TXNDC5: variants seen among roughly 807,000 people sequenced by gnomAD.
TXNDC5 encodes thioredoxin domain containing 5, also known as thioredoxin domain-containing protein 5.
In TXNDC5, 44 loss-of-function variants were observed where a neutral mutation model predicts 52.6. That is an observed-to-expected ratio of 0.84 (90% CI 0.66 to 1.08). The LOEUF is 1.08. Ranked by LOEUF, TXNDC5 falls within the 50% of genes least tolerant of loss-of-function variation. The pLI, the probability that TXNDC5 is intolerant of heterozygous loss-of-function variation, is 0.00. For missense variants in TXNDC5, 600 were observed against 565.5 expected (o/e 1.06, Z -0.62); for synonymous variants, 241 against 234.4 (o/e 1.03, Z -0.26).
At chr6:7,888,932 C>A in intron 6 of TXNDC5, 84 bp from the exon 7 acceptor site, 2 of 1,491,344 alleles carry the variant, frequency 1.3e-6, no homozygotes, top group South Asian at 1.3e-5. Flanking sequence ...CCTGCTTGCC[C>A]GGGTCAGAGC....
rs1760676594 is a variant in TXNDC5 at position 7,904,599 on chromosome 6, C to G, written c.388G>C (p.Ala130Pro). 1.2e-6 allele frequency: 2 copies of G among 1,614,182 alleles called. No homozygotes were observed. Among genetic ancestry groups the G allele is most frequent in the Non-Finnish European group, 1.7e-6 (2 of 1,180,016 alleles). The part of the protein sequence containing the change: ...DCTAHSDVCS[A>P]QGVRGYPTLK... Reference sequence around the variant, plus strand: ...GTGGGGTATCCTCGCACCCCCTGGGCGGAGCACACGTCGGAGTGGGCCGTG... The same window carrying G: ...GTGGGGTATCCTCGCACCCCCTGGGGGGAGCACACGTCGGAGTGGGCCGTG... The change falls in exon 2 of 10, where the codon GCC (alanine) becomes CCC (proline). Residue 130 changes from alanine (A) to proline (P), a missense_variant. Coordinates refer to ENST00000379757, the MANE Select transcript of TXNDC5 (RefSeq NM_030810.5).
In TXNDC5 at chr6:7,891,691, T is replaced by C; in HGVS notation, c.662A>G (p.Lys221Arg). 2 of 1,613,984 alleles carry C rather than the reference T, an allele frequency of 1.2e-6. No individual in the cohort carries two copies. Among genetic ancestry groups the C allele is most frequent in the Non-Finnish European group, 1.7e-6 (2 of 1,179,888 alleles). ...KFFAPWCGHC[K>R]ALAPTWEQLA... Reference sequence around the variant, plus strand: ...CTGCTCCCAGGTTGGAGCCAGGGCTTTGCAGTGACCACACCACGGAGCGAA... The same window carrying C: ...CTGCTCCCAGGTTGGAGCCAGGGCTCTGCAGTGACCACACCACGGAGCGAA... The change falls in exon 5 of 10, where the codon AAA becomes AGA. Residue 221 changes from lysine (K) to arginine (R), a missense_variant. Physicochemically the swap from Lys to Arg is conservative, Grantham distance 26 (BLOSUM62 2). Coordinates refer to ENST00000379757, the MANE Select transcript of TXNDC5 (RefSeq NM_030810.5).
Position 7,884,366 on chromosome 6 carries a change from T to C in TXNDC5, c.1169A>G (p.Lys390Arg), listed in dbSNP as rs1290390901. The C allele has an allele frequency of 3.1e-6, 5 of 1,614,112 alleles. No homozygotes were observed. The Middle Eastern group carries it at 4.9e-4, about 160-fold the overall frequency. Residue 390 changes from lysine (K) to arginine (R), a missense_variant, in exon 9 of 10, where the codon AAG (lysine) becomes AGG (arginine). Transcript: ENST00000379757. ...DCTAERNICS[K>R]YSVRGYPTLL... ...ATCCATCCAAGTACCCACCGAATAC[T>C]TGCTGCAGATATTCCGTTCAGCAGT...
At chr6:7,884,229 A>G in intron 9 of TXNDC5, 130 bp downstream of exon 9, 2 of 1,272,552 alleles carry the variant, frequency 1.6e-6, no homozygotes, top group South Asian at 1.4e-5. Flanking sequence ...CAAACAAACA[A>G]CTCAAAGGGA....
chr6:7,897,898 C>T (rs932457756), intron 3 of TXNDC5, among the ~76,000 whole-genome samples: 7 of 152,160 alleles, frequency 4.6e-5, no homozygotes, highest in Non-Finnish European at 1.5e-5. Flanking sequence ...GAAACAATGT[C>T]CAATTGAAAA....
intron 1 of TXNDC5, chr6:7,910,054 C>T: frequency 2.0e-6 from 2 of 986,204 alleles, no homozygotes; most frequent in Non-Finnish European, 2.4e-6. Context: ...CCCTCGGTGC[C>T]GAGGTGCAAG....
rs1036663870 is a variant in TXNDC5 at position 7,892,778 on chromosome 6, G to A, written c.617-1042C>T. 6.6e-5 allele frequency among the ~76,000 whole-genome samples: 10 copies of A among 152,342 alleles called. No homozygotes were observed. In the East Asian group the frequency reaches 1.4e-3, roughly 21 times the overall value. On this transcript the variant is annotated intron_variant, in intron 4 of 9. Coordinates refer to ENST00000379757, the MANE Select transcript of TXNDC5 (RefSeq NM_030810.5). ...ATGATTGTGAGGCTTCGCCAGCCAC[G>A]TGGAACTGTGAGTTCTCCATTAAAC...
rs753895870 is a variant in TXNDC5, at chr6:7,897,600, G to A, written c.519+1976C>T. On this transcript the variant is annotated intron_variant, in intron 3 of 9. Transcript: ENST00000379757. Reference sequence around the variant, plus strand: ...GGGGTGGCATGGGGGGATTACACGCGGCCATCCTGCTCCCACACTGAGGAG... The same window carrying A: ...GGGGTGGCATGGGGGGATTACACGCAGCCATCCTGCTCCCACACTGAGGAG... 1.4e-4 allele frequency among the ~76,000 whole-genome samples: 21 copies of A among 152,116 alleles called. No homozygotes were observed. The South Asian group carries it at 1.9e-3, about 14-fold the overall frequency.
intron 1 of TXNDC5, among the ~76,000 whole-genome samples, chr6:7,907,957 T>C (rs1177626892): frequency 6.6e-6 from 1 of 152,076 alleles, no homozygotes; most frequent in Non-Finnish European, 1.5e-5. Context: ...AACCCACATA[T>C]CTCTGTTTAA....
At chr6:7,910,475 G>T in intron 1 of TXNDC5, 39 bp downstream of exon 1, 1 of 1,379,748 alleles carries the variant, frequency 7.2e-7, no homozygotes. Context: ...CCCGCGAAGC[G>T]CCAAGTGCGG....
rs1165929174 is a variant in TXNDC5 at position 7,899,690 on chromosome 6, A to G, written c.414-9T>C. ...GCTTGAAAAGCTTTAAGCTGAAAGA[A>G]TAACAAAGGATTAGACAGAGCAAAA... is the stretch of plus-strand genomic sequence containing the variant. On this transcript the variant is annotated splice_polypyrimidine_tract_variant and intron_variant, in intron 2 of 9. Coordinates refer to ENST00000379757, the MANE Select transcript of TXNDC5 (RefSeq NM_030810.5). 1.2e-6 allele frequency: 2 copies of G among 1,611,190 alleles called. No individual in the cohort carries two copies. The highest frequency in any genetic ancestry group is 8.5e-7 in the Non-Finnish European group (1 of 1,177,642).
At position 7,882,986 on chromosome 6, in the gene TXNDC5, G is replaced by A. The variant is rs1366641207; in HGVS notation, c.*158C>T. On this transcript the variant is annotated 3_prime_UTR_variant, in exon 10 of 10. Coordinates refer to ENST00000379757, the MANE Select transcript of TXNDC5 (RefSeq NM_030810.5). ...ACTTAATAAAGAATCTGTAGAGTGTGTTGGCTTGGAAAACACACACACAAA... is the reference window on the plus strand; with the variant it reads ...ACTTAATAAAGAATCTGTAGAGTGTATTGGCTTGGAAAACACACACACAAA... 2.2e-6 allele frequency: 2 copies of A among 914,612 alleles called. No individual in the cohort carries two copies. The highest frequency in any genetic ancestry group is 2.7e-5 in the East Asian group (1 of 37,448). The allele number at this position is 914,612 out of a possible 1,614,324, so 56.7% of individuals were successfully genotyped here.
intron 7 of TXNDC5, among the ~76,000 whole-genome samples, chr6:7,887,530 T>C (rs868228737): frequency 1.3e-5 from 2 of 152,042 alleles, no homozygotes; most frequent in Admixed American, 6.6e-5. Context: ...CTGGACTCCT[T>C]ATGCTGGCTT....
intron 3 of TXNDC5, 130 bp downstream of exon 3, chr6:7,899,444 TAG>T: frequency 1.8e-6 from 1 of 552,116 alleles, no homozygotes. Context: ...CCAAAAAAAG[TAG>T]AGTTGCTTTA....
At chr6:7,896,487 T>C (rs1399780680) in intron 3 of TXNDC5, among the ~76,000 whole-genome samples, 1 of 152,236 alleles carries the variant, frequency 6.6e-6, no homozygotes, top group Non-Finnish European at 1.5e-5. Context: ...TGGGGGTTCA[T>C]ATTCCTATTA....
intron 3 of TXNDC5, 56 bp from the exon 4 acceptor site, chr6:7,895,258 A>T: frequency 3.3e-6 from 5 of 1,513,116 alleles, no homozygotes; most frequent in Non-Finnish European, 4.5e-6. Context: ...CAGGGAAACC[A>T]TCCAGGAGGT....
At chr6:7,908,082 A>G (rs988681764) in intron 1 of TXNDC5, among the ~76,000 whole-genome samples, 6 of 152,150 alleles carry the variant, frequency 3.9e-5, no homozygotes, top group African/African-American at 1.4e-4. Flanking sequence ...CAAGAGATCG[A>G]GACAATCCTG....
At chr6:7,883,940 T>C (rs528089246) in intron 9 of TXNDC5, among the ~76,000 whole-genome samples, 1 of 152,348 alleles carries the variant, frequency 6.6e-6, no homozygotes, top group African/African-American at 2.4e-5. Flanking sequence ...GGAGGTTATG[T>C]TGAAATGATT....
At position 7,904,614 on chromosome 6, in the gene TXNDC5, A is replaced by C; in HGVS notation, c.373T>G (p.Ser125Ala). The change falls in exon 2 of 10, where the codon TCC becomes GCC. Residue 125 changes from serine (S) to alanine (A), a missense_variant. Physicochemically the swap from Ser to Ala is moderately conservative, Grantham distance 99. Coordinates refer to ENST00000379757, the MANE Select transcript of TXNDC5 (RefSeq NM_030810.5). ...YVAKVDCTAH[S>A]DVCSAQGVRG... ...ACCCCCTGGGCGGAGCACACGTCGGAGTGGGCCGTGCAGTCCACTTTAGCC... is the reference window on the plus strand; with the variant it reads ...ACCCCCTGGGCGGAGCACACGTCGGCGTGGGCCGTGCAGTCCACTTTAGCC... 1 of 1,614,192 alleles carries C rather than the reference A, an allele frequency of 6.2e-7. No homozygotes were observed. Among genetic ancestry groups the C allele is most frequent in the Non-Finnish European group, 8.5e-7 (1 of 1,180,034 alleles).
Sources: allele counts gnomAD v4.1 joint callset (sites outside exome capture counted in the v4.1 genomes callset), GRCh38; gene constraint gnomAD v4.1.1; transcripts MANE v1.5; gene names NCBI Gene and HGNC (gene_info 2026-07-23, HGNC 2026-07-21).